Variants in TXLNB observed in about 807,000 individuals in gnomAD.
TXLNB encodes the protein beta-taxilin.
In TXLNB, 37 loss-of-function variants were observed where a neutral mutation model predicts 57.4. The observed-to-expected ratio is 0.64, with a 90% CI of 0.50 to 0.85. TXLNB has a LOEUF of 0.85. Among genes scored for constraint, TXLNB ranks in the 40% least tolerant of loss-of-function variants. The pLI is 0.00. For missense variants in TXLNB, 848 were observed against 825.6 expected, an observed-to-expected ratio of 1.03 and a Z score of -0.33; for synonymous variants, 302 against 309.6, an observed-to-expected ratio of 0.98 and a Z score of 0.26.
chr6:139,173,918 G>A, the TXLNB span, among the ~76,000 whole-genome samples: 2 of 152,118 alleles, frequency 1.3e-5, no homozygotes, highest in Non-Finnish European at 2.9e-5. Flanking sequence ...TGTAATTCTG[G>A]GCTATCAGTC....
intron 6 of TXLNB, among the ~76,000 whole-genome samples, chr6:139,258,395 C>T (rs1050304025): frequency 9.2e-5 from 14 of 152,172 alleles, no homozygotes; most frequent in African/African-American, 3.1e-4. Context: ...AAGGTAATTA[C>T]ACCAATGGTG....
At chr6:139,299,835 T>G in the TXLNB span, among the ~76,000 whole-genome samples, 1 of 151,676 alleles carries the variant, frequency 6.6e-6, no homozygotes, top group East Asian at 1.9e-4. Flanking sequence ...AAAAAAAAAA[T>G]GGCTCTTTTA....
At position 139,290,153 on chromosome 6, in the gene TXLNB, G is replaced by C. The variant is rs371319920; in HGVS notation, c.-14-1240C>G. 3.9e-5 allele frequency among the ~76,000 whole-genome samples: 6 copies of C among 152,154 alleles called. No individual in the cohort carries two copies. In the East Asian group the frequency reaches 9.6e-4, roughly 24 times the overall value. ...TGTAATCCCAGCACTTTAGGAAGCC[G>C]AGGCGGGTGGATCCTTGAGGCCAGG... On this transcript the variant is annotated intron_variant, in intron 1 of 9. Transcript: ENST00000358430.
rs959394700 is a variant in TXLNB at position 139,244,639 on chromosome 6, G to A, written c.1222C>T (p.Arg408Ter). The A allele has an allele frequency of 8.1e-6, 13 of 1,613,814 alleles. No individual in the cohort carries two copies. Among genetic ancestry groups the A allele is most frequent in the Middle Eastern group, 1.6e-4 (1 of 6,084 alleles). The stretch of plus-strand genomic sequence containing the variant: ...AGAGCTTTGTTACAGTTCTCAAATC[G>A]GGCTTTCCATGTGGCTGTGTCCTTT... ...LEKDTATWKA[R>*]FENCNKALLD... The change falls in exon 9 of 10, where the codon CGA becomes TGA. Residue 408 changes from arginine to a stop codon, truncating the protein, a stop_gained. Coordinates refer to ENST00000358430, the MANE Select transcript of TXLNB (RefSeq NM_153235.4). LOFTEE classifies it low-confidence loss of function (END_TRUNC).
At chr6:139,166,266 T>C in the TXLNB span, 4 of 1,568,040 alleles carry the variant, frequency 2.6e-6, no homozygotes, top group Non-Finnish European at 3.5e-6. Context: ...ATCTGTTCTC[T>C]CTTTATTCCT....
At chr6:139,196,877 G>T in the TXLNB span, among the ~76,000 whole-genome samples, 1 of 152,046 alleles carries the variant, frequency 6.6e-6, no homozygotes, top group African/African-American at 2.4e-5. Context: ...TTCAAGCCAT[G>T]TTCACTTTTA....
intron 6 of TXLNB, among the ~76,000 whole-genome samples, chr6:139,256,999 A>G (rs1776361516): frequency 6.6e-6 from 1 of 152,242 alleles, no homozygotes. Context: ...TGGGCATACA[A>G]TGACACATTC....
At chr6:139,219,605 G>A in the TXLNB span, among the ~76,000 whole-genome samples, 2 of 152,208 alleles carry the variant, frequency 1.3e-5, no homozygotes, top group African/African-American at 4.8e-5. Flanking sequence ...GTCAGGAAGC[G>A]AAGCCACTGG....
the TXLNB span, among the ~76,000 whole-genome samples, chr6:139,217,957 A>G: frequency 6.6e-6 from 1 of 152,162 alleles, no homozygotes; most frequent in East Asian, 1.9e-4. Context: ...TGTGTCCAAC[A>G]TGACACTGAT....
intron 4 of TXLNB, chr6:139,268,992 T>C (rs1323011258): frequency 1.3e-5 from 2 of 152,206 alleles, no homozygotes; most frequent in African/African-American, 4.8e-5. Flanking sequence ...CTCGAACTTC[T>C]GGGCTCAAAT....
chr6:139,164,048 T>A, the TXLNB span, among the ~76,000 whole-genome samples: 3 of 142,642 alleles, frequency 2.1e-5, no homozygotes, highest in Non-Finnish European at 4.6e-5. Flanking sequence ...GCATGGACTC[T>A]CACACACACA....
In TXLNB at chr6:139,282,314, C is replaced by T. The variant is rs531461659; in HGVS notation, c.425-5393G>A. Among the ~76,000 whole-genome samples, 7 of 146,684 alleles carry T rather than the reference C, an allele frequency of 4.8e-5. 1 individual carries two copies. In the South Asian group the frequency reaches 6.8e-4, roughly 14 times the overall value. On this transcript the variant is annotated intron_variant, in intron 2 of 9. Coordinates refer to ENST00000358430, the MANE Select transcript of TXLNB (RefSeq NM_153235.4). ...ACTAGGGGCCGGGCGCGGTGGCTCA[C>T]GTCTGCAATCCCAGCACTTTGGGAG...
the TXLNB span, chr6:139,174,238 G>C: frequency 6.0e-6 from 5 of 828,216 alleles, no homozygotes; most frequent in Non-Finnish European, 9.0e-6. Context: ...AGGACAGCTT[G>C]TGTACTAAAT....
At chr6:139,200,647 T>A in the TXLNB span, among the ~76,000 whole-genome samples, 1 of 152,150 alleles carries the variant, frequency 6.6e-6, no homozygotes, top group Non-Finnish European at 1.5e-5. Flanking sequence ...AGATTTGGGA[T>A]GTAAAATCAG....
At chr6:139,252,880 A>G (rs1368506970) in intron 7 of TXLNB, among the ~76,000 whole-genome samples, 1 of 152,114 alleles carries the variant, frequency 6.6e-6, no homozygotes, top group Non-Finnish European at 1.5e-5. Flanking sequence ...AGTCCCGGCT[A>G]CTCGGGAGGC....
At chr6:139,287,627 T>G (rs1777205866) in intron 2 of TXLNB, among the ~76,000 whole-genome samples, 1 of 152,188 alleles carries the variant, frequency 6.6e-6, no homozygotes. Flanking sequence ...TGATGCTAAC[T>G]CTACCTGGGC....
the TXLNB span, among the ~76,000 whole-genome samples, chr6:139,298,699 C>T: frequency 1.3e-5 from 2 of 152,182 alleles, no homozygotes; most frequent in African/African-American, 4.8e-5. Flanking sequence ...ATGTGAAGGT[C>T]AAGTGATTGG....
intron 2 of TXLNB, among the ~76,000 whole-genome samples, chr6:139,285,027 C>T (rs1424370227): frequency 2.8e-5 from 4 of 144,944 alleles, no homozygotes; most frequent in African/African-American, 1.0e-4. Flanking sequence ...TTAGAGTGGA[C>T]ACACCTAGGT....
intron 4 of TXLNB, among the ~76,000 whole-genome samples, chr6:139,267,703 GTA>G (rs1776649365): frequency 6.6e-6 from 1 of 152,146 alleles, no homozygotes; most frequent in Non-Finnish European, 1.5e-5. Flanking sequence ...ATGAAAAGAA[GTA>G]AGATCCAGCT....
Sources: gnomAD v4.1 joint callset for allele counts (sites outside exome capture counted in the v4.1 genomes callset) on GRCh38, gnomAD v4.1.1 for gene constraint, MANE v1.5 for transcripts, NCBI Gene and HGNC (gene_info 2026-07-23, HGNC 2026-07-21) for gene names.